The following AKAP9 variants were observed in gnomAD, a reference collection of about 807,000 sequenced individuals.
AKAP9 encodes A-kinase anchoring protein 9, also known as A-kinase anchor protein 9.
Under a neutral mutation model 488.5 loss-of-function variants are expected in AKAP9, and 311 were observed. The observed-to-expected ratio is 0.64, with a 90% confidence interval of 0.58 to 0.70. The LOEUF is 0.70. Among genes scored for constraint, AKAP9 ranks in the 30% least tolerant of loss-of-function variants. The pLI is 0.00. For synonymous variants in AKAP9, 1,462 were observed against 1,483.5 expected (o/e 0.99, Z 0.33); for missense variants, 4,215 against 4,374.5 (o/e 0.96, Z 1.03).
chr7:92,002,912 A>G lies in AKAP9; in HGVS notation c.2995A>G (p.Ile999Val), dbSNP rs1453113629. Residue 999 changes from isoleucine to valine, a missense_variant, in exon 8 of 50, where the codon ATC becomes GTC. Ile to Val is a conservative substitution (Grantham distance 29). Coordinates refer to ENST00000356239, the MANE Select transcript of AKAP9 (RefSeq NM_005751.5). Reference sequence around the variant, plus strand: ...TTCATTGAGATGTAGAGAGCTAGAAATCATTATTAACCACAACAGGGCAGA... The same window carrying G: ...TTCATTGAGATGTAGAGAGCTAGAAGTCATTATTAACCACAACAGGGCAGA... ...QVSLRCRELEIIINHNRAENV... is the reference protein window; with the variant it reads ...QVSLRCRELEVIINHNRAENV... 2 of 1,611,862 alleles carry G rather than the reference A, an allele frequency of 1.2e-6. No individual in the cohort carries two copies. The highest frequency in any genetic ancestry group is 1.7e-6 in the Non-Finnish European group (2 of 1,179,152).
chr7:92,060,241 GATC>G (rs1707087024), intron 22 of AKAP9, among the ~76,000 whole-genome samples: 1 of 152,002 alleles, frequency 6.6e-6, no homozygotes, highest in Non-Finnish European at 1.5e-5. Flanking sequence ...CACTACATTT[GATC>G]ATATTTTAAG....
At chr7:92,063,695 AAC>A (rs771855609) in intron 24 of AKAP9, among the ~76,000 whole-genome samples, 3 of 152,212 alleles carry the variant, frequency 2.0e-5, no homozygotes, top group Non-Finnish European at 4.4e-5. Context: ...ATTTGAAATT[AAC>A]ATCTGAGATT....
At chr7:91,949,062 C>G (rs1791871637) in intron 1 of AKAP9, among the ~76,000 whole-genome samples, 1 of 152,050 alleles carries the variant, frequency 6.6e-6, no homozygotes, top group Admixed American at 6.6e-5. Context: ...ATTTGTAGAT[C>G]TTCTTTAGAG....
At chr7:92,052,990 G>A (rs761459236) in intron 22 of AKAP9, 32 bp downstream of exon 22, 2 of 1,507,480 alleles carry the variant, frequency 1.3e-6, no homozygotes, top group South Asian at 1.1e-5. Flanking sequence ...TATGTACTGA[G>A]TTTGAAGTAC....
At position 92,066,512 on chromosome 7, in the gene AKAP9, G is replaced by A. The variant is rs1240091785; in HGVS notation, c.6296G>A (p.Arg2099Gln). 1.4e-5 allele frequency: 23 copies of A among 1,613,322 alleles called. No individual in the cohort carries two copies. The highest frequency in any genetic ancestry group is 1.4e-5 in the Non-Finnish European group (17 of 1,179,604). ...GAACAGCAACTTAAGGTTGTTCCTC[G>A]ATTCCAGCCTATCAGTGAACATCAA... ...KLEQQLKVVP[R>Q]FQPISEHQTR... The change falls in exon 26 of 50, where the codon CGA becomes CAA. Residue 2099 changes from arginine (R) to glutamine (Q), a missense_variant. Coordinates refer to ENST00000356239, the MANE Select transcript of AKAP9 (RefSeq NM_005751.5).
chr7:92,104,865 C>A (rs1818270686), intron 46 of AKAP9, among the ~76,000 whole-genome samples: 1 of 152,166 alleles, frequency 6.6e-6, no homozygotes, highest in South Asian at 2.1e-4. Context: ...CTAAAGGCAG[C>A]TCACTTTCTA....
At chr7:92,003,296 G>T in intron 8 of AKAP9, 61 bp downstream of exon 8, 1 of 1,280,016 alleles carries the variant, frequency 7.8e-7, no homozygotes, top group Non-Finnish European at 1.1e-6. Context: ...TTCACACTAA[G>T]GTTTCACCTT....
At chr7:91,976,452 G>A (rs567909247) in intron 2 of AKAP9, among the ~76,000 whole-genome samples, 39 of 152,034 alleles carry the variant, frequency 2.6e-4, no homozygotes, top group Non-Finnish European at 5.0e-4. Context: ...TGAACTCCTG[G>A]ATTCAAGTGA....
chr7:92,103,270 G>A (rs1211453757), intron 46 of AKAP9, among the ~76,000 whole-genome samples: 5 of 151,420 alleles, frequency 3.3e-5, no homozygotes, highest in African/African-American at 9.7e-5. Flanking sequence ...GGCACCTGTA[G>A]TCCCAGCTAC....
chr7:92,007,436 G>C (rs1298474387), intron 8 of AKAP9, among the ~76,000 whole-genome samples: 1 of 152,118 alleles, frequency 6.6e-6, no homozygotes, highest in East Asian at 1.9e-4. Context: ...ATTTTTAGTA[G>C]AGATGGGGTT....
Position 92,070,225 on chromosome 7 carries a change from G to A in AKAP9, c.6507+19G>A. The A allele has an allele frequency of 6.2e-7, 1 of 1,613,058 alleles. No homozygotes were observed. Among genetic ancestry groups the A allele is most frequent in the Non-Finnish European group, 8.5e-7 (1 of 1,179,312 alleles). On this transcript the variant is annotated intron_variant, in intron 27 of 49. Coordinates refer to ENST00000356239, the MANE Select transcript of AKAP9 (RefSeq NM_005751.5). The stretch of plus-strand genomic sequence containing the variant: ...TCAAAAGGTGTGGCATTTTATTTGG[G>A]CTAACTTAATAAGTGTTTTAATGAA...
Position 92,110,403 on chromosome 7 carries a change from CATTAA to C in AKAP9, c.*249_*253del. The C allele has an allele frequency of 3.9e-6, 2 of 516,338 alleles. No homozygotes were observed. The highest frequency in any genetic ancestry group is 6.9e-6 in the Non-Finnish European group (2 of 288,476). 32.0% of individuals were successfully genotyped at this position (516,338 alleles called of 1,614,324 possible). On this transcript the variant is annotated 3_prime_UTR_variant, in exon 50 of 50. Coordinates refer to ENST00000356239, the MANE Select transcript of AKAP9 (RefSeq NM_005751.5). ...ATATTTGTGGAATGCTAATTTAAAA[CATTAA>C]ATTATAAACCTTGTGTATTTATCAA...
chr7:92,027,889 G>T (rs1803578845), intron 14 of AKAP9, among the ~76,000 whole-genome samples: 1 of 151,790 alleles, frequency 6.6e-6, no homozygotes, highest in Non-Finnish European at 1.5e-5. Context: ...AGATCAGATT[G>T]TTACTGTGTC....
At chr7:92,104,190 A>ATTTTTTTT (rs879741854) in intron 46 of AKAP9, among the ~76,000 whole-genome samples, 2 of 142,572 alleles carry the variant, frequency 1.4e-5, no homozygotes, top group Non-Finnish European at 3.1e-5. Context: ...TTATTTATTT[A>ATTTTTTTT]TTTTTTTTTT....
chr7:92,049,060 G>C (rs1807477697), intron 21 of AKAP9, among the ~76,000 whole-genome samples: 1 of 152,124 alleles, frequency 6.6e-6, no homozygotes, highest in Non-Finnish European at 1.5e-5. Context: ...TTATCACATT[G>C]CCTATCCCAC....
In AKAP9 at chr7:92,096,817, C is replaced by A; in HGVS notation, c.9858C>A (p.Ala3286=). The change falls in exon 41 of 50, where the codon GCC becomes GCA. Residue 3286 remains alanine, a synonymous_variant. Transcript: ENST00000356239. ...AATCACAGAGAATGCTATATGATGC[C>A]CAGTTGTCAGAAGAACAAGGTCGAA... ...KIESQRMLYD[A]QLSEEQGRNL... 6.2e-7 allele frequency: 1 copy of A among 1,614,048 alleles called. No homozygotes were observed. Among genetic ancestry groups the A allele is most frequent in the Non-Finnish European group, 8.5e-7 (1 of 1,180,010 alleles).
intron 7 of AKAP9, among the ~76,000 whole-genome samples, chr7:91,999,765 T>C (rs1326447863): frequency 6.6e-6 from 1 of 152,206 alleles, no homozygotes; most frequent in Non-Finnish European, 1.5e-5. Flanking sequence ...GCAACCAAAA[T>C]TCTCAAAGGC....
chr7:92,008,134 C>A (rs1200283543), intron 8 of AKAP9, among the ~76,000 whole-genome samples: 8 of 151,948 alleles, frequency 5.3e-5, no homozygotes, highest in African/African-American at 1.9e-4. Context: ...CTTTGGGAGG[C>A]CGAGGTGGAC....
intron 1 of AKAP9, among the ~76,000 whole-genome samples, chr7:91,943,030 T>C (rs1780211030): frequency 6.8e-6 from 1 of 148,102 alleles, no homozygotes; most frequent in Non-Finnish European, 1.5e-5. Context: ...TACAAAAAAT[T>C]AAATAAAAAA....
Sources: allele counts gnomAD v4.1 joint callset (sites outside exome capture counted in the v4.1 genomes callset), GRCh38; gene constraint gnomAD v4.1.1; transcripts MANE v1.5; gene names NCBI Gene and HGNC (gene_info 2026-07-23, HGNC 2026-07-21).